Variants in PLEKHM3 observed in about 807,000 individuals in gnomAD.
PLEKHM3 encodes pleckstrin homology domain-containing family M member 3.
PLEKHM3 carries 45 observed loss-of-function variants against 81.8 expected under a neutral mutation model. That is an observed-to-expected ratio of 0.55 (90% CI 0.43 to 0.71). The LOEUF is 0.71. PLEKHM3 is among the 30% of genes least tolerant of loss of function. The pLI, the probability that PLEKHM3 is intolerant of heterozygous loss-of-function variation, is 0.00. For synonymous variants in PLEKHM3, 352 were observed against 356.4 expected (o/e 0.99, Z 0.14); for missense variants, 788 against 924.3 (o/e 0.85, Z 1.91).
intron 1 of PLEKHM3, among the ~76,000 whole-genome samples, chr2:208,011,146 TAAG>T (rs944793829): frequency 8.6e-5 from 13 of 151,634 alleles, no homozygotes; most frequent in Non-Finnish European, 8.8e-5. Flanking sequence ...GGTGGGAATG[TAAG>T]ATAGTACAGC....
chr2:207,954,433 G>A (rs553958024), intron 3 of PLEKHM3, among the ~76,000 whole-genome samples: 2 of 152,308 alleles, frequency 1.3e-5, no homozygotes, highest in South Asian at 4.1e-4. Flanking sequence ...CACAGTGAAT[G>A]TTCAATACAC....
chr2:208,009,291 C>T (rs1692608202), intron 1 of PLEKHM3, among the ~76,000 whole-genome samples: 1 of 152,112 alleles, frequency 6.6e-6, no homozygotes, highest in South Asian at 2.1e-4. Flanking sequence ...ACCCTCTTCC[C>T]ACCTCAACCT....
intron 2 of PLEKHM3, among the ~76,000 whole-genome samples, chr2:207,982,251 C>T (rs556411847): frequency 7.5e-6 from 1 of 133,044 alleles, no homozygotes; most frequent in African/African-American, 2.8e-5. Context: ...CTCGCTCCCC[C>T]CCTCCCTCGC....
Position 207,977,070 on chromosome 2 carries a change from T to C in PLEKHM3, c.1127A>G (p.Asn376Ser). The C allele has an allele frequency of 6.2e-7, 1 of 1,614,218 alleles. No homozygotes were observed. The highest frequency in any genetic ancestry group is 8.5e-7 in the Non-Finnish European group (1 of 1,180,026). ...GTLYRLTVQNNWKAFTFVLSR... is the reference protein window; with the variant it reads ...GTLYRLTVQNSWKAFTFVLSR... ...CAGCACAAATGTAAATGCCTTCCAG[T>C]TGTTTTGGACAGTCAGCCTGTAGAG... The change falls in exon 3 of 8, where the codon AAC becomes AGC. Residue 376 changes from asparagine (N) to serine (S), a missense_variant. Physicochemically the swap from Asn to Ser is conservative, Grantham distance 46. Transcript: ENST00000427836.
intron 4 of PLEKHM3, among the ~76,000 whole-genome samples, chr2:207,942,133 G>T (rs191697863): frequency 1.2e-4 from 18 of 152,254 alleles, no homozygotes; most frequent in Admixed American, 2.6e-4. Flanking sequence ...ATAACCAAAA[G>T]GTGGTAGATA....
intron 2 of PLEKHM3, among the ~76,000 whole-genome samples, chr2:207,980,124 G>A (rs1165521059): frequency 6.6e-6 from 1 of 152,056 alleles, no homozygotes; most frequent in African/African-American, 2.4e-5. Context: ...CATCCCTACT[G>A]TGACCCAAAG....
At chr2:207,918,489 T>C (rs1689071105) in intron 5 of PLEKHM3, among the ~76,000 whole-genome samples, 1 of 152,112 alleles carries the variant, frequency 6.6e-6, no homozygotes, top group Admixed American at 6.6e-5. Context: ...GCCACTGTGC[T>C]GCAGCCTGGG....
At chr2:207,946,236 G>C in intron 4 of PLEKHM3, 131 bp downstream of exon 4, 2 of 997,102 alleles carry the variant, frequency 2.0e-6, no homozygotes, top group Non-Finnish European at 2.9e-6. Flanking sequence ...ATTAGGTAAG[G>C]TCTTGCAGCT....
intron 2 of PLEKHM3, among the ~76,000 whole-genome samples, chr2:207,987,932 A>G (rs1691780455): frequency 6.6e-6 from 1 of 152,172 alleles, no homozygotes; most frequent in South Asian, 2.1e-4. Flanking sequence ...CTCCGATTTA[A>G]TCACCAATTC....
At chr2:207,881,551 G>C (rs2092591290) in intron 6 of PLEKHM3, among the ~76,000 whole-genome samples, 1 of 152,170 alleles carries the variant, frequency 6.6e-6, no homozygotes, top group Non-Finnish European at 1.5e-5. Context: ...ATGCTGCCTG[G>C]AGCGTTATTT....
chr2:207,830,003 GAC>G (rs1488962533), intron 7 of PLEKHM3, among the ~76,000 whole-genome samples: 1 of 152,112 alleles, frequency 6.6e-6, no homozygotes, highest in East Asian at 1.9e-4. Context: ...CTTGGATGGA[GAC>G]ACACTGTTGC....
chr2:207,972,582 G>A (rs1385881694), intron 3 of PLEKHM3, among the ~76,000 whole-genome samples: 3 of 136,916 alleles, frequency 2.2e-5, no homozygotes, highest in African/African-American at 8.4e-5. Flanking sequence ...GCGAGACTCC[G>A]TCTCAAAAAA....
At chr2:208,011,164 A>G (rs1692678844) in intron 1 of PLEKHM3, among the ~76,000 whole-genome samples, 1 of 152,052 alleles carries the variant, frequency 6.6e-6, no homozygotes, top group Non-Finnish European at 1.5e-5. Context: ...TACAGCCACC[A>G]TGGAAAATAG....
chr2:208,001,075 G>T lies in PLEKHM3; in HGVS notation c.565C>A (p.Leu189Met), dbSNP rs1311950633. Residue 189 changes from leucine to methionine, a missense_variant, in exon 2 of 8, where the codon CTG becomes ATG. Transcript: ENST00000427836. Reference sequence around the variant, plus strand: ...TCTATCTTATTTGGTGAGGGCAACAGAAAAGATGGCCTGGTGACATGCGGG... The same window carrying T: ...TCTATCTTATTTGGTGAGGGCAACATAAAAGATGGCCTGGTGACATGCGGG... ...QGPHVTRPSF[L>M]LPSPNKIEDA... 4 of 1,566,298 alleles carry T rather than the reference G, an allele frequency of 2.6e-6. No individual in the cohort carries two copies. Among genetic ancestry groups the T allele is most frequent in the Non-Finnish European group, 3.5e-6 (4 of 1,155,180 alleles).
intron 6 of PLEKHM3, among the ~76,000 whole-genome samples, chr2:207,891,229 A>G (rs1421637310): frequency 1.3e-5 from 2 of 152,208 alleles, no homozygotes; most frequent in Non-Finnish European, 1.5e-5. Flanking sequence ...ATCTGTGGTC[A>G]TGGGGGTGGG....
intron 1 of PLEKHM3, among the ~76,000 whole-genome samples, chr2:208,012,018 G>A (rs62190895): frequency 0.46 from 68,986 of 150,654 alleles, 19,066 homozygotes; most frequent in Non-Finnish European, 0.6. Context: ...GGCTGGTCTC[G>A]AACTCTGATA....
intron 1 of PLEKHM3, among the ~76,000 whole-genome samples, chr2:208,022,485 TA>T: frequency 6.6e-6 from 1 of 152,190 alleles, no homozygotes; most frequent in Non-Finnish European, 1.5e-5. Context: ...AATCCAGTTA[TA>T]AGCTTATTGG....
intron 6 of PLEKHM3, among the ~76,000 whole-genome samples, chr2:207,898,426 T>C (rs1209950586): frequency 2.0e-5 from 3 of 152,134 alleles, no homozygotes; most frequent in Non-Finnish European, 1.5e-5. Flanking sequence ...CCAATCAACA[T>C]AGCTCTATTC....
At chr2:207,909,876 T>C (rs1688756194) in intron 5 of PLEKHM3, among the ~76,000 whole-genome samples, 1 of 152,248 alleles carries the variant, frequency 6.6e-6, no homozygotes, top group Admixed American at 6.5e-5. Flanking sequence ...AAATCCTAGA[T>C]ATTAAATCAT....
Sources: allele counts gnomAD v4.1 joint callset (sites outside exome capture counted in the v4.1 genomes callset), GRCh38; gene constraint gnomAD v4.1.1; transcripts MANE v1.5; gene names NCBI Gene and HGNC (gene_info 2026-07-23, HGNC 2026-07-21).